The following PRR3 variants were observed in gnomAD, a reference collection of about 807,000 sequenced individuals.
PRR3 encodes the protein proline-rich protein 3.
Under a neutral mutation model 22.4 loss-of-function variants are expected in PRR3, and 16 were observed. The observed-to-expected ratio is 0.71, with a 90% CI of 0.48 to 1.09. The LOEUF (loss-of-function observed/expected upper bound fraction) is 1.09, where lower values mean the gene tolerates loss of function less well. PRR3 is among the 50% of genes least tolerant of loss of function. PRR3 has a pLI of 0.00. For synonymous variants in PRR3, 87 were observed against 88.6 expected, an observed-to-expected ratio of 0.98 and a Z score of 0.10; for missense variants, 224 against 243.4, an observed-to-expected ratio of 0.92 and a Z score of 0.53.
upstream of PRR3, chr6:30,556,876 C>G (rs969351387): frequency 6.6e-5 from 39 of 594,112 alleles, no homozygotes; most frequent in Non-Finnish European, 3.6e-5. The surrounding 1 kb of genome is among the most constrained non-coding windows in gnomAD (Gnocchi z 5.7). Context: ...CAAAAGCGGG[C>G]GAGAAGGGAA....
chr6:30,556,837 A>G (rs41272611), upstream of PRR3: 3,522 of 544,136 alleles, frequency 6.5e-3, 24 homozygotes, highest in Non-Finnish European at 0.01. This position sits in a 1 kb window ranked among gnomAD's most constrained non-coding sequence, Gnocchi z 5.7. Flanking sequence ...GGGAACGATG[A>G]TAAGGAGCAG....
rs1385307405 is a variant in PRR3, at chr6:30,562,811, T to G, written c.*316T>G. 3.9e-6 allele frequency: 1 copy of G among 254,114 alleles called. No individual in the cohort carries two copies. Among genetic ancestry groups the G allele is most frequent in the Non-Finnish European group, 7.5e-6 (1 of 133,796 alleles). The allele number at this position is 254,114 out of a possible 1,614,324, so 15.7% of individuals were successfully genotyped here. ...AACAGGAAACCTCTTTGGTGCTGTTTCTTGTGCATCTGTCCACCTGTTCCC... is the reference window on the plus strand; with the variant it reads ...AACAGGAAACCTCTTTGGTGCTGTTGCTTGTGCATCTGTCCACCTGTTCCC... On this transcript the variant is annotated 3_prime_UTR_variant, in exon 4 of 4. Transcript: ENST00000376560.
In PRR3 at chr6:30,557,410, G is replaced by T. The variant is rs754468875; in HGVS notation, c.66G>T (p.Glu22Asp). The T allele has an allele frequency of 6.2e-7, 1 of 1,612,596 alleles. No individual in the cohort carries two copies. Among genetic ancestry groups the T allele is most frequent in the Non-Finnish European group, 8.5e-7 (1 of 1,179,934 alleles). The stretch of plus-strand genomic sequence containing the variant: ...CACAGCAGCAGCCCCCGCTGCCCGA[G>T]CGGGAAGAGACTGGAGATGAGGAGG... Reference protein sequence around the residue: ...PPTQQQPPLPEREETGDEEDG... With the variant: ...PPTQQQPPLPDREETGDEEDG... Residue 22 changes from glutamate to aspartate, a missense_variant, in exon 1 of 4, where the codon GAG becomes GAT. Physicochemically the swap from Glu to Asp is conservative, Grantham distance 45. Transcript: ENST00000376560.
At chr6:30,557,065 G>T (rs867478105), upstream of PRR3, 25 of 701,924 alleles carry the variant, frequency 3.6e-5, no homozygotes, top group Non-Finnish European at 4.9e-5. Context: ...GCTGGTTGTG[G>T]TGTTTTCCAG....
chr6:30,557,211 G>C (rs1044464617), upstream of PRR3: 2 of 765,652 alleles, frequency 2.6e-6, no homozygotes, highest in Admixed American at 4.0e-5. Context: ...GATGTTCTCC[G>C]CAACCTTCCG....
Position 30,561,275 on chromosome 6 carries a change from C to G in PRR3, c.170-559C>G, listed in dbSNP as rs1335489183. On this transcript the variant is annotated intron_variant, in intron 2 of 3. Coordinates refer to ENST00000376560, the MANE Select transcript of PRR3 (RefSeq NM_025263.4). The surrounding 1 kb of genome is among the most constrained non-coding windows in gnomAD (Gnocchi z 4.0). The stretch of plus-strand genomic sequence containing the variant: ...CGTATATATTCAACAGAAATGCATA[C>G]GTATGTGTAACAACATGTATAAAAA... 1 of 447,450 alleles carries G rather than the reference C, an allele frequency of 2.2e-6. No individual in the cohort carries two copies. Among genetic ancestry groups the G allele is most frequent in the East Asian group, 7.0e-5 (1 of 14,336 alleles). 27.7% of individuals were successfully genotyped at this position (447,450 alleles called of 1,614,324 possible).
At position 30,561,335 on chromosome 6, in the gene PRR3, CTG is replaced by C. The variant is rs1343722163; in HGVS notation, c.170-498_170-497del. The C allele has an allele frequency of 4.4e-6, 2 of 458,758 alleles. No individual in the cohort carries two copies. The highest frequency in any genetic ancestry group is 4.0e-5 in the African/African-American group (2 of 50,156). 28.4% of individuals were successfully genotyped at this position (458,758 alleles called of 1,614,324 possible). A position where few individuals can be genotyped will look rare whatever the true frequency, so the allele number is the denominator to read the frequency against. ...TGGCATTTCTCGTTATAGCCCCAAA[CTG>C]GATACCACCCACATGTCCATCATCA... On this transcript the variant is annotated intron_variant, in intron 2 of 3. Coordinates refer to ENST00000376560, the MANE Select transcript of PRR3 (RefSeq NM_025263.4). The surrounding 1 kb of genome is among the most constrained non-coding windows in gnomAD (Gnocchi z 4.0).
chr6:30,558,270 G>A, intron 2 of PRR3, 58 bp downstream of exon 2: 1 of 1,411,712 alleles, frequency 7.1e-7, no homozygotes. Context: ...AGCAAGGGAG[G>A]GGATAAAACC....
intron 2 of PRR3, among the ~76,000 whole-genome samples, chr6:30,559,780 C>T (rs964837121): frequency 1.3e-5 from 2 of 151,834 alleles, no homozygotes; most frequent in African/African-American, 4.8e-5. Context: ...AATAGAATTA[C>T]CCCAGAACTC....
chr6:30,561,748 T>TA lies in PRR3; in HGVS notation c.170-78dup, dbSNP rs1371823678. 31 of 1,330,496 alleles carry TA rather than the reference T, an allele frequency of 2.3e-5. No homozygotes were observed. Among genetic ancestry groups the TA allele is most frequent in the Admixed American group, 2.9e-5 (1 of 34,686 alleles). The allele number at this position is 1,330,496 out of a possible 1,614,324, so 82.4% of individuals were successfully genotyped here. Reference sequence around the variant, plus strand: ...TGTCTTTATGTATGCTGTTCTTCAATAAAAAAAATTTTTTTAATCACGGTT... The same window carrying TA: ...TGTCTTTATGTATGCTGTTCTTCAATAAAAAAAAATTTTTTTAATCACGGTT... On this transcript the variant is annotated intron_variant, in intron 2 of 3. Transcript: ENST00000376560. This position sits in a 1 kb window ranked among gnomAD's most constrained non-coding sequence, Gnocchi z 4.0.
rs1224615377 is a variant in PRR3, at chr6:30,561,977, A to G, written c.313A>G (p.Asn105Asp). 1 of 1,613,032 alleles carries G rather than the reference A, an allele frequency of 6.2e-7. No homozygotes were observed. Residue 105 changes from asparagine (N) to aspartate (D), a missense_variant, in exon 3 of 4, where the codon AAT becomes GAT. Transcript: ENST00000376560. The surrounding 1 kb of genome is among the most constrained non-coding windows in gnomAD (Gnocchi z 4.0). ...ATATGGTCGTGGTTGGTGGGGAGTC[A>G]ATGCAGAACCTCCTTTTCCGGGGCC... ...SPYGRGWWGV[N>D]AEPPFPGPGH...
Position 30,562,617 on chromosome 6 carries a change from A to T in PRR3, c.*122A>T. The T allele has an allele frequency of 3.0e-6, 2 of 669,110 alleles. No homozygotes were observed. Among genetic ancestry groups the T allele is most frequent in the Non-Finnish European group, 2.6e-6 (1 of 381,108 alleles). 41.4% of individuals were successfully genotyped at this position (669,110 alleles called of 1,614,324 possible). ...AACACCCTCAGTCAGTGACACACCC[A>T]TCCCATCCACCACTTCCCCCGTGTG... On this transcript the variant is annotated 3_prime_UTR_variant, in exon 4 of 4. Transcript: ENST00000376560.
Position 30,558,160 on chromosome 6 carries a change from C to T in PRR3, c.117C>T (p.Ser39=), listed in dbSNP as rs759479042. The change falls in exon 2 of 4, where the codon AGC becomes AGT. Residue 39 remains serine, a synonymous_variant. Coordinates refer to ENST00000376560, the MANE Select transcript of PRR3 (RefSeq NM_025263.4). ...CATGTCTGCTCTTAGGACCACCCAG[C>T]CTTCTGGGCCCTCCCCCCATGGCCA... The part of the protein sequence containing the change: ...EEDGSPIGPP[S]LLGPPPMANG... 1 of 1,612,960 alleles carries T rather than the reference C, an allele frequency of 6.2e-7. No individual in the cohort carries two copies. The highest frequency in any genetic ancestry group is 1.1e-5 in the South Asian group (1 of 91,086).
chr6:30,561,542 G>A lies in PRR3; in HGVS notation c.170-292G>A, dbSNP rs1800629434. ...CCATTTTTGTGAAGTTCAAAAACAG[G>A]CAAAAACTAACCTATGGTGTCAGGA... is the stretch of plus-strand genomic sequence containing the variant. On this transcript the variant is annotated intron_variant, in intron 2 of 3. Transcript: ENST00000376560. The surrounding 1 kb of genome is among the most constrained non-coding windows in gnomAD (Gnocchi z 4.0). 1.7e-6 allele frequency: 1 copy of A among 600,998 alleles called. No individual in the cohort carries two copies. Among genetic ancestry groups the A allele is most frequent in the African/African-American group, 1.8e-5 (1 of 54,490 alleles). The allele number at this position is 600,998 out of a possible 1,614,324, so 37.2% of individuals were successfully genotyped here. A position where few individuals can be genotyped will look rare whatever the true frequency, so the allele number is the denominator to read the frequency against.
chr6:30,559,809 CA>C (rs775433258), intron 2 of PRR3, among the ~76,000 whole-genome samples: 298 of 139,320 alleles, frequency 2.1e-3, no homozygotes, highest in Admixed American at 2.0e-3. Flanking sequence ...AGGTATATAT[CA>C]AAAAAAAAAA....
upstream of PRR3, chr6:30,556,871 G>A (rs1023956940): frequency 6.8e-6 from 4 of 592,116 alleles, no homozygotes; most frequent in Admixed American, 9.0e-5. The surrounding 1 kb of genome is among the most constrained non-coding windows in gnomAD (Gnocchi z 5.7). Flanking sequence ...AAGTGCAAAA[G>A]CGGGCGAGAA....
intron 2 of PRR3, 85 bp downstream of exon 2, chr6:30,558,297 A>G (rs1001394831): frequency 8.9e-7 from 1 of 1,120,808 alleles, no homozygotes; most frequent in African/African-American, 1.5e-5. Context: ...GGACTTAAAA[A>G]TAAAAGATCA....
In PRR3 at chr6:30,562,649, AG is replaced by A. The variant is rs1227503593; in HGVS notation, c.*155del. ...CCACCACTTCCCCCGTGTGGGGTCCAGAGTGGTGTTGCATCACTGGTGCGCG... is the reference window on the plus strand; with the variant it reads ...CCACCACTTCCCCCGTGTGGGGTCCAAGTGGTGTTGCATCACTGGTGCGCG... On this transcript the variant is annotated 3_prime_UTR_variant, in exon 4 of 4. Coordinates refer to ENST00000376560, the MANE Select transcript of PRR3 (RefSeq NM_025263.4). The A allele has an allele frequency of 1.7e-6, 1 of 605,716 alleles. No homozygotes were observed. Among genetic ancestry groups the A allele is most frequent in the African/African-American group, 1.9e-5 (1 of 53,764 alleles). 37.5% of individuals were successfully genotyped at this position (605,716 alleles called of 1,614,324 possible). A position where few individuals can be genotyped will look rare whatever the true frequency, so the allele number is the denominator to read the frequency against.
chr6:30,561,833 G>T lies in PRR3; in HGVS notation c.170-1G>T. ...GTGTCTCTCTCTCTCTCTCTCTCCA[G>T]CTCTTCACAGAGGTCCTCCAGGATC... On this transcript the variant is annotated splice_acceptor_variant, in intron 2 of 3. Transcript: ENST00000376560. LOFTEE classifies it high-confidence loss of function. The surrounding 1 kb of genome is among the most constrained non-coding windows in gnomAD (Gnocchi z 4.0). 6.5e-7 allele frequency: 1 copy of T among 1,545,796 alleles called. No homozygotes were observed.
Sources: gnomAD v4.1 joint callset for allele counts (sites outside exome capture counted in the v4.1 genomes callset) on GRCh38, gnomAD v4.1.1 for gene constraint, Gnocchi (gnomAD v3.1) non-coding constraint, MANE v1.5 for transcripts, NCBI Gene and HGNC (gene_info 2026-07-23, HGNC 2026-07-21) for gene names.